Variants in ITIH3 observed in about 807,000 individuals in gnomAD.
ITIH3 encodes the protein inter-alpha-trypsin inhibitor heavy chain H3.
ITIH3 carries 81 observed loss-of-function variants against 96.5 expected under a neutral mutation model. That is an observed-to-expected ratio of 0.84 (90% CI 0.70 to 1.01). The LOEUF (loss-of-function observed/expected upper bound fraction) is 1.01. Ranked by LOEUF, ITIH3 falls within the 50% of genes least tolerant of loss-of-function variation. ITIH3 has a pLI of 0.00. For missense variants in ITIH3, 1,057 were observed against 1,139.3 expected (o/e 0.93, Z 1.04); for synonymous variants, 422 against 445.2 (o/e 0.95, Z 0.66).
chr3:52,805,924 C>T, intron 16 of ITIH3, 84 bp downstream of exon 16: 1 of 1,572,636 alleles, frequency 6.4e-7, no homozygotes, highest in Non-Finnish European at 8.7e-7. Context: ...GCTACTCACT[C>T]AGCTCTCCGG....
At chr3:52,802,262 T>G in intron 11 of ITIH3, 72 bp from the exon 12 acceptor site, 1 of 1,522,056 alleles carries the variant, frequency 6.6e-7, no homozygotes. Context: ...CCCTGGGGCA[T>G]GGATGCCCAG....
Position 52,806,417 on chromosome 3 carries a change from T to C in ITIH3, c.2056+11T>C, listed in dbSNP as rs1399092792. On this transcript the variant is annotated intron_variant, in intron 18 of 21. Transcript: ENST00000449956. ...AGGATGCAGTCACAGGTGAGGCTTG[T>C]GGGCTAGGGCCGGGGCCAGGGGGCT... 6.2e-7 allele frequency: 1 copy of C among 1,605,568 alleles called. No homozygotes were observed. Among genetic ancestry groups the C allele is most frequent in the South Asian group, 1.1e-5 (1 of 90,084 alleles).
chr3:52,803,509 G>A (rs905530805), intron 13 of ITIH3, among the ~76,000 whole-genome samples: 10 of 152,038 alleles, frequency 6.6e-5, no homozygotes, highest in Middle Eastern at 3.4e-3. Flanking sequence ...AGTAGAGATG[G>A]GGTTTCACCA....
chr3:52,798,021 C>A, intron 6 of ITIH3, 91 bp downstream of exon 6: 2 of 749,242 alleles, frequency 2.7e-6, no homozygotes, highest in Admixed American at 2.4e-5. Context: ...TTAGCTGCTG[C>A]AAGCATGCAT....
At chr3:52,802,541 A>G in intron 12 of ITIH3, 22 bp downstream of exon 12, 1 of 1,613,222 alleles carries the variant, frequency 6.2e-7, no homozygotes, top group African/African-American at 1.3e-5. Flanking sequence ...CAGGGCCTGG[A>G]AGTGTGCTGG....
At chr3:52,804,093 G>A (rs992597482) in intron 14 of ITIH3, 84 bp downstream of exon 14, 1 of 1,462,218 alleles carries the variant, frequency 6.8e-7, no homozygotes, top group African/African-American at 1.4e-5. Flanking sequence ...AGTGGGCCAG[G>A]CTGGGGAGAC....
chr3:52,795,655 T>C (rs780018348), intron 2 of ITIH3, 32 bp downstream of exon 2: 1 of 1,607,194 alleles, frequency 6.2e-7, no homozygotes, highest in Non-Finnish European at 8.5e-7. Context: ...TGGGACCGAG[T>C]GGGGCAGGGC....
At chr3:52,798,688 A>G in intron 6 of ITIH3, 1 of 473,976 alleles carries the variant, frequency 2.1e-6, no homozygotes, top group Non-Finnish European at 3.8e-6. Flanking sequence ...TGAATCAGCC[A>G]AGGCCTGTGC....
In ITIH3 at chr3:52,808,108, A is replaced by G; in HGVS notation, c.2432-2A>G. ...TGACAGCATGAATATTTTTCTTCCC[A>G]GGGCAATTCTTCCAACCCTTTGACT... On this transcript the variant is annotated splice_acceptor_variant, in intron 20 of 21. Coordinates refer to ENST00000449956, the MANE Select transcript of ITIH3 (RefSeq NM_002217.4). LOFTEE classifies it high-confidence loss of function. 2 of 1,613,902 alleles carry G rather than the reference A, an allele frequency of 1.2e-6. No individual in the cohort carries two copies. The highest frequency in any genetic ancestry group is 1.7e-6 in the Non-Finnish European group (2 of 1,179,758).
intron 1 of ITIH3, among the ~76,000 whole-genome samples, 163 bp from the exon 2 acceptor site, chr3:52,795,440 T>C (rs749693826): frequency 2.0e-5 from 3 of 152,140 alleles, no homozygotes; most frequent in Non-Finnish European, 2.9e-5. Flanking sequence ...TTTCCTACTC[T>C]GACATGTGGC....
At chr3:52,800,436 C>A (rs1699779427) in intron 9 of ITIH3, 102 bp from the exon 10 acceptor site, 1 of 1,420,836 alleles carries the variant, frequency 7.0e-7, no homozygotes. Flanking sequence ...GGTCCTTGGG[C>A]ACATGAGTGG....
intron 13 of ITIH3, 98 bp downstream of exon 13, chr3:52,802,904 G>T: frequency 7.1e-7 from 1 of 1,410,498 alleles, no homozygotes; most frequent in Non-Finnish European, 9.7e-7. Flanking sequence ...CCCTCTTCTT[G>T]GGCCAGCCCA....
In ITIH3 at chr3:52,799,025, C is replaced by A. The variant is rs1370588400; in HGVS notation, c.723C>A (p.Asp241Glu). ...AGCGTTCATGCCCAACCTGTACAGA[C>A]TCCCTCCTCAATGGAGATTTCACTA... ...DQQRSCPTCT[D>E]SLLNGDFTIT... The change falls in exon 7 of 22, where the codon GAC becomes GAA. Residue 241 changes from aspartate to glutamate, a missense_variant. Coordinates refer to ENST00000449956, the MANE Select transcript of ITIH3 (RefSeq NM_002217.4). 6.2e-7 allele frequency: 1 copy of A among 1,613,522 alleles called. No individual in the cohort carries two copies.
chr3:52,798,884 T>G, intron 6 of ITIH3, 82 bp from the exon 7 acceptor site: 2 of 1,538,374 alleles, frequency 1.3e-6, no homozygotes, highest in South Asian at 1.2e-5. Context: ...GCTGCACCTC[T>G]GCTCCCTCAG....
rs748966381 is a variant in ITIH3, at chr3:52,797,207, C to T, written c.489C>T (p.His163=). 5.6e-6 allele frequency: 9 copies of T among 1,608,766 alleles called. No homozygotes were observed. The highest frequency in any genetic ancestry group is 1.3e-5 in the African/African-American group (1 of 74,836). The change falls in exon 5 of 22, where the codon CAC becomes CAT. Residue 163 remains histidine (H), a synonymous_variant. Transcript: ENST00000449956. The part of the protein sequence containing the change: ...ELTYEELLKR[H]KGKYEMYLKV... Reference sequence around the variant, plus strand: ...CCTACGAGGAGCTGCTGAAGAGGCACAAGGGCAAGTACGAGATGTACCTCA... The same window carrying T: ...CCTACGAGGAGCTGCTGAAGAGGCATAAGGGCAAGTACGAGATGTACCTCA...
rs201898860 is a variant in ITIH3, at chr3:52,800,651, G to A, written c.1189G>A (p.Asp397Asn). 2.8e-5 allele frequency: 45 copies of A among 1,597,890 alleles called. No individual in the cohort carries two copies. The highest frequency in any genetic ancestry group is 1.7e-4 in the Middle Eastern group (1 of 6,032). ...TSIVIMLTDGDANVGESRPEK... is the reference protein window; with the variant it reads ...TSIVIMLTDGNANVGESRPEK... ...CATTGTCATCATGCTGACTGATGGG[G>A]ATGCCAATGTTGGTGAGGAGCACGG... Residue 397 changes from aspartate (D) to asparagine (N), a missense_variant, in exon 10 of 22, where the codon GAT (aspartate) becomes AAT (asparagine). By Grantham distance (23) the Asp-to-Asn change is conservative. Coordinates refer to ENST00000449956, the MANE Select transcript of ITIH3 (RefSeq NM_002217.4).
Position 52,806,127 on chromosome 3 carries a change from C to G in ITIH3, c.1931C>G (p.Pro644Arg). The G allele has an allele frequency of 6.2e-7, 1 of 1,603,638 alleles. No homozygotes were observed. The highest frequency in any genetic ancestry group is 1.1e-5 in the South Asian group (1 of 89,036). ...YLTSYQPPQN[P>R]YYYVDGDPHF... ...GCCAGCTACCAGCCTCCTCAAAACC[C>G]CTACTACTATGGTGAGTCCCTGGCT... The change falls in exon 17 of 22, where the codon CCC becomes CGC. Residue 644 changes from proline (P) to arginine (R), a missense_variant. Physicochemically the swap from Pro to Arg is moderately radical, Grantham distance 103. Transcript: ENST00000449956.
At chr3:52,806,070 T>G in intron 16 of ITIH3, 33 bp from the exon 17 acceptor site, 3 of 1,588,492 alleles carry the variant, frequency 1.9e-6, no homozygotes, top group Middle Eastern at 1.7e-4. Flanking sequence ...GGCCACTTGC[T>G]TAGCTCAGCC....
intron 6 of ITIH3, 131 bp downstream of exon 6, chr3:52,798,061 CA>C (rs1411256989): frequency 7.1e-5 from 44 of 623,474 alleles, no homozygotes; most frequent in Non-Finnish European, 1.2e-4. Context: ...GATCAATCTG[CA>C]ACTATCACCT....
Sources: gnomAD v4.1 joint callset for allele counts (sites outside exome capture counted in the v4.1 genomes callset) on GRCh38, gnomAD v4.1.1 for gene constraint, MANE v1.5 for transcripts, NCBI Gene and HGNC (gene_info 2026-07-23, HGNC 2026-07-21) for gene names.